The following RBFOX1 variants were observed in gnomAD, a reference collection of about 807,000 sequenced individuals.
RBFOX1 encodes the protein RNA binding fox-1 homolog 1, also known as RNA binding protein fox-1 homolog 1.
A neutral mutation model predicts 57.7 loss-of-function variants in RBFOX1; 8 were observed. The observed-to-expected ratio is 0.14, with a 90% CI of 0.08 to 0.25. RBFOX1 has a LOEUF of 0.25. Ranked by LOEUF, RBFOX1 falls within the 10% of genes least tolerant of loss-of-function variation. RBFOX1 has a pLI of 1.00. For missense variants in RBFOX1, 611 were observed against 548.5 expected (o/e 1.11, Z -1.14); for synonymous variants, 326 against 222.4 (o/e 1.47, Z -4.15).
chr16:5,407,587 C>T (rs1406385881), intron 1 of RBFOX1, among the ~76,000 whole-genome samples: 2 of 152,030 alleles, frequency 1.3e-5, no homozygotes, highest in African/African-American at 2.4e-5. Context: ...CTCACTCTGT[C>T]ACCCAGGCTG....
intron 4 of RBFOX1, among the ~76,000 whole-genome samples, chr16:7,141,128 G>T (rs1176880150): frequency 6.6e-6 from 1 of 152,164 alleles, no homozygotes; most frequent in East Asian, 1.9e-4. Context: ...AGTGGCTCTG[G>T]CTTTATCAGG....
intron 3 of RBFOX1, among the ~76,000 whole-genome samples, chr16:6,849,363 A>T (rs1014768923): frequency 2.0e-5 from 3 of 152,188 alleles, no homozygotes; most frequent in Non-Finnish European, 4.4e-5. Flanking sequence ...ATAGTCTTAT[A>T]CTTTAGATAG....
chr16:6,020,706 G>C (rs1033919231), intron 1 of RBFOX1, among the ~76,000 whole-genome samples: 16 of 152,112 alleles, frequency 1.1e-4, no homozygotes, highest in African/African-American at 3.4e-4. Flanking sequence ...GCCAGGGGGG[G>C]GCTTGTCAGC....
At chr16:6,402,197 G>A (rs148886117) in intron 2 of RBFOX1, among the ~76,000 whole-genome samples, 5 of 152,138 alleles carry the variant, frequency 3.3e-5, no homozygotes, top group African/African-American at 1.2e-4. Flanking sequence ...AGTCCCTGCA[G>A]TGTACCAAGA....
chr16:5,290,924 C>G (rs940629032), intron 1 of RBFOX1, among the ~76,000 whole-genome samples: 2 of 152,122 alleles, frequency 1.3e-5, no homozygotes, highest in East Asian at 1.9e-4. Context: ...GTCTCAAACT[C>G]CTGGATCTCA....
At chr16:6,360,884 G>C (rs1013916249) in intron 2 of RBFOX1, among the ~76,000 whole-genome samples, 8 of 152,076 alleles carry the variant, frequency 5.3e-5, no homozygotes, top group Admixed American at 1.3e-4. Context: ...GAGACCCTGA[G>C]TTTCTTGACA....
intron 2 of RBFOX1, among the ~76,000 whole-genome samples, chr16:5,537,870 G>A (rs990502245): frequency 6.6e-6 from 1 of 152,130 alleles, no homozygotes; most frequent in Non-Finnish European, 1.5e-5. Flanking sequence ...GCCACATAAG[G>A]TAACATGTTC....
intron 3 of RBFOX1, among the ~76,000 whole-genome samples, chr16:6,954,372 G>A (rs900455970): frequency 1.3e-5 from 2 of 152,128 alleles, no homozygotes; most frequent in African/African-American, 4.8e-5. Flanking sequence ...CCATCCATTA[G>A]TAGTTCCGGC....
intron 3 of RBFOX1, among the ~76,000 whole-genome samples, chr16:5,835,461 C>A (rs564281496): frequency 6.6e-6 from 1 of 152,186 alleles, no homozygotes; most frequent in Non-Finnish European, 1.5e-5. Context: ...GTATATCAGT[C>A]CTCCTATTGT....
At chr16:7,434,504 A>T (rs2098707014) in intron 4 of RBFOX1, among the ~76,000 whole-genome samples, 1 of 151,366 alleles carries the variant, frequency 6.6e-6, no homozygotes, top group African/African-American at 2.4e-5. Flanking sequence ...AAATAAAAAT[A>T]AAAAAAATCA....
At chr16:6,532,695 C>T (rs1312211419) in intron 2 of RBFOX1, among the ~76,000 whole-genome samples, 1 of 152,158 alleles carries the variant, frequency 6.6e-6, no homozygotes, top group African/African-American at 2.4e-5. Flanking sequence ...CTCTGGATTC[C>T]TCTCCTGGAC....
At chr16:7,067,070 A>G (rs1185942203) in intron 4 of RBFOX1, among the ~76,000 whole-genome samples, 2 of 152,206 alleles carry the variant, frequency 1.3e-5, no homozygotes, top group African/African-American at 4.8e-5. Context: ...CTGAAGGGAC[A>G]CACACAGAAT....
intron 4 of RBFOX1, among the ~76,000 whole-genome samples, chr16:7,388,115 C>T (rs2097915386): frequency 6.6e-6 from 1 of 151,694 alleles, no homozygotes; most frequent in Non-Finnish European, 1.5e-5. Flanking sequence ...TAAACATAAT[C>T]AGTGTTTATT....
At position 5,948,224 on chromosome 16, in the gene RBFOX1, G is replaced by A. The variant is rs147414048; in HGVS notation, c.351+80889G>A. On this transcript the variant is annotated intron_variant, in intron 4 of 19. Coordinates refer to the RBFOX1 transcript ENST00000641259. Reference sequence around the variant, plus strand: ...ATCTCACATGTTAATTGCGCTGACCGAGCTGGGCAGGTGGGTGTTAGTTCT... The same window carrying A: ...ATCTCACATGTTAATTGCGCTGACCAAGCTGGGCAGGTGGGTGTTAGTTCT... Among the ~76,000 whole-genome samples, 1,009 of 152,270 alleles carry A rather than the reference G, an allele frequency of 6.6e-3. 5 individuals are homozygous for A. Among genetic ancestry groups the A allele is most frequent in the Non-Finnish European group, 0.011 (750 of 68,030 alleles).
At chr16:5,292,180 G>A (rs1262050211) in intron 1 of RBFOX1, among the ~76,000 whole-genome samples, 1 of 152,182 alleles carries the variant, frequency 6.6e-6, no homozygotes, top group African/African-American at 2.4e-5. Flanking sequence ...CTGTTTAGAT[G>A]TGCGCCAGTG....
chr16:7,282,760 G>A (rs1007209503), intron 4 of RBFOX1, among the ~76,000 whole-genome samples: 1 of 152,232 alleles, frequency 6.6e-6, no homozygotes, highest in South Asian at 2.1e-4. Context: ...AGTCCCCAAA[G>A]TCCACTGTGT....
At chr16:7,487,076 T>A (rs1015055272) in intron 4 of RBFOX1, among the ~76,000 whole-genome samples, 2 of 152,046 alleles carry the variant, frequency 1.3e-5, no homozygotes, top group African/African-American at 4.8e-5. Context: ...ATTTTTGTAA[T>A]TTTAGTAGAG....
At chr16:5,384,166 G>T (rs901947535) in intron 1 of RBFOX1, among the ~76,000 whole-genome samples, 4 of 152,302 alleles carry the variant, frequency 2.6e-5, no homozygotes, top group Middle Eastern at 3.4e-3. Flanking sequence ...AATTCCTGCA[G>T]CCAAGGGTGG....
At chr16:7,051,550 A>G (rs769638721) in intron 3 of RBFOX1, among the ~76,000 whole-genome samples, 4 of 152,202 alleles carry the variant, frequency 2.6e-5, no homozygotes, top group Non-Finnish European at 5.9e-5. Flanking sequence ...TCCTATGGGG[A>G]CTTACTACCA....
Sources: allele counts gnomAD v4.1 joint callset (sites outside exome capture counted in the v4.1 genomes callset), GRCh38; gene constraint gnomAD v4.1.1; transcripts MANE v1.5; gene names NCBI Gene and HGNC (gene_info 2026-07-23, HGNC 2026-07-21).